Variants in TYW1B observed in about 807,000 individuals in gnomAD.
The protein encoded by TYW1B is S-adenosyl-L-methionine-dependent tRNA 4-demethylwyosine synthase TYW1B.
In TYW1B, 73 loss-of-function variants were observed where a neutral mutation model predicts 86.9. That is an observed-to-expected ratio of 0.84 (90% CI 0.70 to 1.02). TYW1B has a LOEUF of 1.02. Among genes scored for constraint, TYW1B ranks in the 50% least tolerant of loss-of-function variants. The probability of loss-of-function intolerance (pLI) is 0.00; values close to 1 mark genes in which losing one functional copy is unlikely to be tolerated. For synonymous variants in TYW1B, 248 were observed against 292.8 expected (o/e 0.85, Z 1.56); for missense variants, 637 against 827.4 (o/e 0.77, Z 2.82).
chr7:72,809,511 G>C (rs1485838567), intron 4 of TYW1B, among the ~76,000 whole-genome samples: 1 of 152,056 alleles, frequency 6.6e-6, no homozygotes, highest in Non-Finnish European at 1.5e-5. Flanking sequence ...AGATTAGCCA[G>C]GGGTAGTGGT....
At chr7:72,679,167 T>C (rs1813810442) in intron 11 of TYW1B, among the ~76,000 whole-genome samples, 1 of 152,038 alleles carries the variant, frequency 6.6e-6, no homozygotes, top group Admixed American at 6.6e-5. Flanking sequence ...AAATAGAAAT[T>C]TAATGCAGTA....
intron 7 of TYW1B, among the ~76,000 whole-genome samples, chr7:72,747,027 A>AT (rs1563080364): frequency 2.0e-5 from 3 of 151,878 alleles, no homozygotes; most frequent in Non-Finnish European, 4.4e-5. Context: ...TGGGTCTTTT[A>AT]TTTTTTTCTG....
chr7:72,736,993 G>A (rs782157041), intron 8 of TYW1B, among the ~76,000 whole-genome samples: 12 of 152,034 alleles, frequency 7.9e-5, no homozygotes, highest in Non-Finnish European at 1.2e-4. Flanking sequence ...ACACCACTGC[G>A]CTCCAGCCTG....
intron 11 of TYW1B, among the ~76,000 whole-genome samples, chr7:72,658,912 G>A (rs1359900421): frequency 1.3e-5 from 2 of 152,048 alleles, no homozygotes; most frequent in African/African-American, 4.8e-5. Context: ...GTAGAGATGG[G>A]GCTTTGCAAT....
chr7:72,697,418 G>A (rs1814348837), intron 10 of TYW1B, among the ~76,000 whole-genome samples: 1 of 152,128 alleles, frequency 6.6e-6, no homozygotes, highest in Non-Finnish European at 1.5e-5. Context: ...GAAGAATGGA[G>A]AAGAGGAAAA....
intron 6 of TYW1B, among the ~76,000 whole-genome samples, chr7:72,781,900 T>C (rs1788056249): frequency 1.3e-5 from 2 of 152,226 alleles, no homozygotes; most frequent in African/African-American, 4.8e-5. Context: ...CAAAACATTC[T>C]TTATAAACTG....
At chr7:72,660,959 C>T (rs1813313832) in intron 11 of TYW1B, among the ~76,000 whole-genome samples, 1 of 150,658 alleles carries the variant, frequency 6.6e-6, no homozygotes, top group African/African-American at 2.4e-5. Context: ...CAACATGAAA[C>T]CTCATCTCTA....
chr7:72,655,909 C>A (rs1265196417), intron 11 of TYW1B, among the ~76,000 whole-genome samples: 1 of 152,182 alleles, frequency 6.6e-6, no homozygotes, highest in Admixed American at 6.5e-5. Flanking sequence ...TGGTCCACTG[C>A]CACTACTGCT....
intron 6 of TYW1B, among the ~76,000 whole-genome samples, chr7:72,784,783 C>A (rs1788100902): frequency 6.6e-6 from 1 of 152,278 alleles, no homozygotes; most frequent in East Asian, 1.9e-4. Context: ...CAGGCATAAG[C>A]CACTGCGCCC....
intron 11 of TYW1B, among the ~76,000 whole-genome samples, chr7:72,632,015 A>C (rs1188101183): frequency 6.6e-6 from 1 of 151,842 alleles, no homozygotes. Context: ...CTAGTGTTTC[A>C]GCTGGGTGCA....
At chr7:72,747,409 T>G (rs1303298415) in intron 7 of TYW1B, among the ~76,000 whole-genome samples, 3 of 152,194 alleles carry the variant, frequency 2.0e-5, no homozygotes, top group Non-Finnish European at 4.4e-5. Context: ...CTTCCCAGTC[T>G]TGGGTATGTC....
intron 7 of TYW1B, among the ~76,000 whole-genome samples, chr7:72,762,366 T>G (rs1174590691): frequency 2.0e-5 from 3 of 152,146 alleles, no homozygotes; most frequent in Non-Finnish European, 4.4e-5. Flanking sequence ...CTTCTGTTCT[T>G]TCTCCTCTTA....
At chr7:72,810,242 C>T (rs1163989828) in intron 4 of TYW1B, among the ~76,000 whole-genome samples, 3 of 152,210 alleles carry the variant, frequency 2.0e-5, no homozygotes, top group Non-Finnish European at 4.4e-5. Flanking sequence ...GGTGCCACTG[C>T]ACTCCAGCCT....
chr7:72,581,414 G>A (rs116120841), intron 13 of TYW1B, among the ~76,000 whole-genome samples: 1 of 152,176 alleles, frequency 6.6e-6, no homozygotes, highest in South Asian at 2.1e-4. Flanking sequence ...CCAAGATAGA[G>A]TCAGCCCCAT....
chr7:72,697,540 A>G (rs1814351112), intron 10 of TYW1B, among the ~76,000 whole-genome samples: 1 of 152,176 alleles, frequency 6.6e-6, no homozygotes, highest in East Asian at 1.9e-4. Flanking sequence ...ACTGGTCTCT[A>G]TTCACCCAGA....
intron 11 of TYW1B, among the ~76,000 whole-genome samples, chr7:72,646,981 G>A (rs1812945407): frequency 6.6e-6 from 1 of 152,184 alleles, no homozygotes; most frequent in Admixed American, 6.5e-5. Context: ...ACTGGATGAG[G>A]TTATTATAAC....
At chr7:72,661,699 G>A (rs1340049476) in intron 11 of TYW1B, among the ~76,000 whole-genome samples, 2 of 151,552 alleles carry the variant, frequency 1.3e-5, no homozygotes, top group South Asian at 4.2e-4. Flanking sequence ...TTGCTTTAAA[G>A]AGCTTAATTC....
At chr7:72,819,242 G>A (rs1788783223) in intron 2 of TYW1B, among the ~76,000 whole-genome samples, 1 of 152,098 alleles carries the variant, frequency 6.6e-6, no homozygotes, top group African/African-American at 2.4e-5. Context: ...CTCAAGCATT[G>A]ACTCTTGAAT....
chr7:72,731,342 G>A (rs1477515165), intron 8 of TYW1B, among the ~76,000 whole-genome samples: 3 of 105,998 alleles, frequency 2.8e-5, no homozygotes, highest in African/African-American at 1.1e-4. Flanking sequence ...ATATACAAAT[G>A]AGATTAAAAA....
Sources: gnomAD v4.1 joint callset for allele counts (sites outside exome capture counted in the v4.1 genomes callset) on GRCh38, gnomAD v4.1.1 for gene constraint, MANE v1.5 for transcripts, NCBI Gene and HGNC (gene_info 2026-07-23, HGNC 2026-07-21) for gene names.